PLEKHA6: variants seen among roughly 807,000 people sequenced by gnomAD.
The protein encoded by PLEKHA6 is pleckstrin homology domain containing A6.
Under a neutral mutation model 116.7 loss-of-function variants are expected in PLEKHA6, and 60 were observed. The ratio of observed to expected loss-of-function variants is 0.51; its 90% CI spans 0.42 to 0.64. PLEKHA6 has a LOEUF of 0.64. PLEKHA6 is among the 30% of genes least tolerant of loss of function. The pLI, the probability that PLEKHA6 is intolerant of heterozygous loss-of-function variation, is 0.00. For missense variants in PLEKHA6, 1,338 were observed against 1,422.7 expected, an observed-to-expected ratio of 0.94 and a Z score of 0.96; for synonymous variants, 489 against 556.1, an observed-to-expected ratio of 0.88 and a Z score of 1.70.
intron 8 of PLEKHA6, among the ~76,000 whole-genome samples, chr1:204,258,370 C>A (rs1260727968): frequency 6.6e-6 from 1 of 152,202 alleles, no homozygotes; most frequent in East Asian, 1.9e-4. Context: ...CTCAAGCAAT[C>A]CTCCCACATC....
At chr1:204,355,692 G>T (rs571191907) in intron 1 of PLEKHA6, among the ~76,000 whole-genome samples, 2 of 151,978 alleles carry the variant, frequency 1.3e-5, no homozygotes, top group Non-Finnish European at 2.9e-5. Context: ...CACCCGCTTC[G>T]GCCTCCCAAA....
chr1:204,296,894 A>G (rs4607954), intron 1 of PLEKHA6, among the ~76,000 whole-genome samples: 31,661 of 152,074 alleles, frequency 0.21, 3,680 homozygotes, highest in South Asian at 0.29. Flanking sequence ...GACGGAAATG[A>G]GAGGTTTGAG....
At chr1:204,230,347 G>A (rs1230833818) in intron 18 of PLEKHA6, 66 bp downstream of exon 18, 3 of 1,321,924 alleles carry the variant, frequency 2.3e-6, no homozygotes, top group Non-Finnish European at 3.1e-6. Context: ...AGCTGGCCAT[G>A]CCCTGGGAGT....
rs1324325152 is a variant in PLEKHA6, at chr1:204,249,235, G to A, written c.1623C>T (p.Asn541=). The change falls in exon 11 of 23, where the codon AAC becomes AAT. Residue 541 remains asparagine (N), a synonymous_variant. Coordinates refer to ENST00000272203, the MANE Select transcript of PLEKHA6 (RefSeq NM_014935.5). ...GCCGGTCCTGCTCCCTCACCACCTT[G>A]TTCTGCTCACACAATTTTCCCAGCA... ...DKLLGKLCEQ[N]KVVREQDRLV... 8.1e-6 allele frequency: 13 copies of A among 1,613,660 alleles called. No homozygotes were observed. The highest frequency in any genetic ancestry group is 1.7e-5 in the Admixed American group (1 of 60,000).
rs895135133 is a variant in PLEKHA6 at position 204,241,304 on chromosome 1, A to G, written c.2409+71T>C. On this transcript the variant is annotated intron_variant, in intron 17 of 22. Coordinates refer to ENST00000272203, the MANE Select transcript of PLEKHA6 (RefSeq NM_014935.5). The stretch of plus-strand genomic sequence containing the variant: ...ATTTCTTGAACAGCAGAGGGAGATG[A>G]GTAGGTACACACACAGGCCCCTGGG... 3.3e-6 allele frequency: 3 copies of G among 897,458 alleles called. No individual in the cohort carries two copies. In the South Asian group the frequency reaches 4.3e-5, roughly 13 times the overall value. 55.6% of individuals were successfully genotyped at this position (897,458 alleles called of 1,614,324 possible).
chr1:204,320,528 A>G, intron 1 of PLEKHA6: 2 of 968,842 alleles, frequency 2.1e-6, no homozygotes, highest in Non-Finnish European at 1.2e-6. Flanking sequence ...TAGAAACCAT[A>G]ACTTAGCAAC....
At chr1:204,245,579 C>T (rs756102991) in intron 14 of PLEKHA6, 36 bp downstream of exon 14, 2 of 1,266,166 alleles carry the variant, frequency 1.6e-6, no homozygotes, top group Non-Finnish European at 2.3e-6. Flanking sequence ...CCTGGTGAGG[C>T]AGGCAGCCTA....
upstream of PLEKHA6, among the ~76,000 whole-genome samples, chr1:204,361,423 TCACA>T (rs1673556832): frequency 6.6e-6 from 1 of 152,084 alleles, no homozygotes; most frequent in Non-Finnish European, 1.5e-5. Context: ...CACACCCCAC[TCACA>T]CACACCACAG....
At chr1:204,367,590 T>C (rs1673687006) in intron 3 of PLEKHA6, among the ~76,000 whole-genome samples, 1 of 151,870 alleles carries the variant, frequency 6.6e-6, no homozygotes, top group Non-Finnish European at 1.5e-5. Flanking sequence ...GGACTGACAC[T>C]GGTTACTGCC....
At chr1:204,256,325 G>C (rs545160302) in intron 9 of PLEKHA6, among the ~76,000 whole-genome samples, 77 of 152,304 alleles carry the variant, frequency 5.1e-4, no homozygotes, top group African/African-American at 1.8e-3. Flanking sequence ...CGAGTAGAAA[G>C]AGGCAGAGAA....
chr1:204,331,199 C>CAAAAAAA (rs5780231), intron 1 of PLEKHA6, among the ~76,000 whole-genome samples: 1 of 75,824 alleles, frequency 1.3e-5, no homozygotes, highest in African/African-American at 5.2e-5. Flanking sequence ...GACTCTGTCT[C>CAAAAAAA]AAAAAAAAAA....
At chr1:204,365,832 T>G (rs1040158633) in intron 3 of PLEKHA6, among the ~76,000 whole-genome samples, 1 of 152,080 alleles carries the variant, frequency 6.6e-6, no homozygotes, top group South Asian at 2.1e-4. Context: ...CAAACGTGTT[T>G]CAGGTAGTGC....
chr1:204,348,555 G>C (rs1264307211), intron 1 of PLEKHA6, among the ~76,000 whole-genome samples: 1 of 152,146 alleles, frequency 6.6e-6, no homozygotes, highest in African/African-American at 2.4e-5. Flanking sequence ...ATGGAACCGA[G>C]CAGTGTGGAT....
Position 204,261,528 on chromosome 1 carries a change from A to C in PLEKHA6, c.382-80T>G. 1 of 1,458,460 alleles carries C rather than the reference A, an allele frequency of 6.9e-7. No individual in the cohort carries two copies. Among genetic ancestry groups the C allele is most frequent in the Non-Finnish European group, 9.2e-7 (1 of 1,081,812 alleles). The allele number at this position is 1,458,460 out of a possible 1,614,324, so 90.3% of individuals were successfully genotyped here. A position where few individuals can be genotyped will look rare whatever the true frequency, so the allele number is the denominator to read the frequency against. Reference sequence around the variant, plus strand: ...AGTCACCTGTTGGGAGAAGACACCAACGCCCACAGAATGGGCAGTCAGTTG... The same window carrying C: ...AGTCACCTGTTGGGAGAAGACACCACCGCCCACAGAATGGGCAGTCAGTTG... On this transcript the variant is annotated intron_variant, in intron 6 of 22. Transcript: ENST00000272203. The surrounding 1 kb of genome is among the most constrained non-coding windows in gnomAD (Gnocchi z 4.0).
intron 7 of PLEKHA6, among the ~76,000 whole-genome samples, chr1:204,260,201 G>C (rs950432750): frequency 2.0e-5 from 3 of 152,188 alleles, no homozygotes; most frequent in Non-Finnish European, 4.4e-5. Flanking sequence ...CTTTCTTATA[G>C]AAAGTTATTT....
At chr1:204,308,068 C>T (rs910208678) in intron 1 of PLEKHA6, among the ~76,000 whole-genome samples, 3 of 152,210 alleles carry the variant, frequency 2.0e-5, no homozygotes, top group Non-Finnish European at 2.9e-5. Context: ...TCTTATGGAG[C>T]TCCCCTTTCT....
rs572644078 is a variant in PLEKHA6 at position 204,277,127 on chromosome 1, G to C, written c.-94-2318C>G. 1 of 152,806 alleles carries C rather than the reference G, an allele frequency of 6.5e-6. No individual in the cohort carries two copies. Among genetic ancestry groups the C allele is most frequent in the Non-Finnish European group, 1.5e-5 (1 of 68,084 alleles). 9.5% of individuals were successfully genotyped at this position (152,806 alleles called of 1,614,324 possible). A position where few individuals can be genotyped will look rare whatever the true frequency, so the allele number is the denominator to read the frequency against. ...AGAAGTAAGTCCTCTGGTCCAACTC[G>C]TAAGGCTGTGGCAGAGATGCAGAGT... On this transcript the variant is annotated intron_variant, in intron 1 of 22. Transcript: ENST00000272203. The surrounding 1 kb of genome is among the most constrained non-coding windows in gnomAD (Gnocchi z 4.1).
chr1:204,335,161 C>T (rs554082144), intron 1 of PLEKHA6, among the ~76,000 whole-genome samples: 1 of 152,192 alleles, frequency 6.6e-6, no homozygotes, highest in South Asian at 2.1e-4. Flanking sequence ...CCACTGGATG[C>T]TTTCCTTCCC....
intron 1 of PLEKHA6, 127 bp downstream of exon 1, chr1:204,359,566 TG>T: frequency 3.1e-6 from 3 of 978,050 alleles, no homozygotes; most frequent in Non-Finnish European, 3.6e-6. Context: ...GGATGAGAGA[TG>T]GGGAAGCCAG....
Sources: gnomAD v4.1 joint callset for allele counts (sites outside exome capture counted in the v4.1 genomes callset) on GRCh38, gnomAD v4.1.1 for gene constraint, Gnocchi (gnomAD v3.1) non-coding constraint, MANE v1.5 for transcripts, NCBI Gene and HGNC (gene_info 2026-07-23, HGNC 2026-07-21) for gene names.